RPL26: variants seen among roughly 807,000 people sequenced by gnomAD.
The protein encoded by RPL26 is ribosomal protein L26.
In RPL26, 1 loss-of-function variant was observed where a neutral mutation model predicts 16.2. The observed-to-expected ratio is 0.06, with a 90% CI of 0.02 to 0.29. The LOEUF is 0.29. Among genes scored for constraint, RPL26 ranks in the 10% least tolerant of loss-of-function variants. The probability of loss-of-function intolerance (pLI) is 1.00; values close to 1 mark genes in which losing one functional copy is unlikely to be tolerated. For synonymous variants in RPL26, 55 were observed against 62.4 expected, an observed-to-expected ratio of 0.88 and a Z score of 0.56; for missense variants, 102 against 184.3, an observed-to-expected ratio of 0.55 and a Z score of 2.58.
rs571589668 is a variant in RPL26, at chr17:8,379,349, C to CA, written c.309+446dup. The CA allele has an allele frequency of 5.1e-4, 85 of 166,288 alleles. 1 individual carries two copies. In the East Asian group the frequency reaches 0.012, roughly 24 times the overall value. 10.3% of individuals were successfully genotyped at this position (166,288 alleles called of 1,614,324 possible). On this transcript the variant is annotated intron_variant, in intron 3 of 3. Transcript: ENST00000648839. ...CAGCACTTTAGGAGGCTGAGGCAGGCAAATCACCTGAGGTCAGGAGTTCAA... is the reference window on the plus strand; with the variant it reads ...CAGCACTTTAGGAGGCTGAGGCAGGCAAAATCACCTGAGGTCAGGAGTTCAA...
chr17:8,382,384 A>G (rs761191559), intron 1 of RPL26, 69 bp from the exon 2 acceptor site: 35 of 1,137,282 alleles, frequency 3.1e-5, no homozygotes, highest in Non-Finnish European at 3.9e-5. Context: ...AATAACCGCA[A>G]TGATTTTATC....
chr17:8,380,814 C>T (rs1907375734), intron 2 of RPL26: 1 of 152,172 alleles, frequency 6.6e-6, no homozygotes, highest in Non-Finnish European at 1.5e-5. Flanking sequence ...TGGGCATAGA[C>T]CAAACTAACT....
At chr17:8,378,496 C>CA (rs961240726) in intron 3 of RPL26, among the ~76,000 whole-genome samples, 18 of 150,954 alleles carry the variant, frequency 1.2e-4, no homozygotes, top group Admixed American at 5.3e-4. Context: ...CTGTCCAAAA[C>CA]AAAAAAAACC....
chr17:8,382,275 G>C lies in RPL26; in HGVS notation c.36C>G (p.Ser12Arg), dbSNP rs774339132. Residue 12 changes from serine (S) to arginine (R), a missense_variant, in exon 2 of 4, where the codon AGC becomes AGG. By Grantham distance (110) the Ser-to-Arg change is moderately radical. Coordinates refer to ENST00000648839, the MANE Select transcript of RPL26 (RefSeq NM_000987.5). ...CATTGAAATGCCTTTTGCGATTCTT[G>C]CTTCGGTCGGAAGTCACAAAGGGAT... The part of the protein sequence containing the change: ...KFNPFVTSDR[S>R]KNRKRHFNAP... 2 of 1,613,670 alleles carry C rather than the reference G, an allele frequency of 1.2e-6. No individual in the cohort carries two copies. Among genetic ancestry groups the C allele is most frequent in the African/African-American group, 2.7e-5 (2 of 74,908 alleles).
intron 1 of RPL26, 145 bp from the exon 2 acceptor site, chr17:8,382,460 G>T (rs995492140): frequency 6.5e-6 from 4 of 619,948 alleles, no homozygotes; most frequent in Non-Finnish European, 5.6e-6. Context: ...TGTTTGATCG[G>T]AAGGGCCTAT....
At chr17:8,377,807 G>T (rs1907217951) in intron 3 of RPL26, 115 bp from the exon 4 acceptor site, 1 of 901,242 alleles carries the variant, frequency 1.1e-6, no homozygotes, top group African/African-American at 1.7e-5. Context: ...TGCCTAATAA[G>T]AAAAGATTTT....
intron 2 of RPL26, chr17:8,380,439 T>C (rs553395790): frequency 6.5e-6 from 1 of 153,812 alleles, no homozygotes; most frequent in African/African-American, 2.4e-5. Flanking sequence ...TTTCATCTTT[T>C]TGAAATAGGC....
chr17:8,382,676 C>G (rs933711419), intron 1 of RPL26: 1 of 290,478 alleles, frequency 3.4e-6, no homozygotes, highest in African/African-American at 2.2e-5. Context: ...ATTCTCTTAA[C>G]TATAACCTCA....
intron 2 of RPL26, chr17:8,381,676 C>A: frequency 5.5e-6 from 1 of 181,104 alleles, no homozygotes; most frequent in South Asian, 9.9e-5. Context: ...GCCTGTAATC[C>A]CAGCACTTTG....
intron 1 of RPL26, chr17:8,382,850 T>C: frequency 2.5e-6 from 1 of 392,526 alleles, no homozygotes; most frequent in Non-Finnish European, 4.5e-6. Context: ...GGAAATTCCG[T>C]GAAGACTTTA....
chr17:8,379,848 T>C lies in RPL26; in HGVS notation c.257A>G (p.Gln86Arg). The change falls in exon 3 of 4, where the codon CAG becomes CGG. Residue 86 changes from glutamine (Q) to arginine (R), a missense_variant. Transcript: ENST00000648839. The part of the protein sequence containing the change: ...KKYVIYIERV[Q>R]REKANGTTVH... ...AGTTGTGCCATTAGCCTTTTCCCGC[T>C]GCACCCGTTCAATGTAGATAACATA... is the stretch of plus-strand genomic sequence containing the variant. 6.2e-7 allele frequency: 1 copy of C among 1,613,960 alleles called. No homozygotes were observed. Among genetic ancestry groups the C allele is most frequent in the Non-Finnish European group, 8.5e-7 (1 of 1,179,878 alleles).
chr17:8,382,381 G>A (rs1166693681), intron 1 of RPL26, 66 bp from the exon 2 acceptor site: 6 of 1,157,460 alleles, frequency 5.2e-6, no homozygotes, highest in Non-Finnish European at 7.6e-6. Context: ...ACAAATAACC[G>A]CAATGATTTT....
At chr17:8,377,863 GCTTA>G (rs1229850902) in intron 3 of RPL26, 171 bp from the exon 4 acceptor site, 1 of 535,460 alleles carries the variant, frequency 1.9e-6, no homozygotes, top group East Asian at 3.1e-5. Context: ...ATCAAACCTG[GCTTA>G]TTTACTAATT....
intron 1 of RPL26, 182 bp downstream of exon 1, chr17:8,382,975 C>T (rs1038156832): frequency 7.5e-6 from 3 of 398,470 alleles, no homozygotes; most frequent in Admixed American, 8.8e-5. Flanking sequence ...CCCGGTCCCT[C>T]CATCCATCTC....
At chr17:8,382,480 C>T (rs1235337900) in intron 1 of RPL26, 165 bp from the exon 2 acceptor site, 5 of 573,250 alleles carry the variant, frequency 8.7e-6, no homozygotes, top group Non-Finnish European at 1.5e-5. Context: ...TCAACCGAAG[C>T]TCGAAACTTT....
At chr17:8,383,009 G>A (rs1907499397) in intron 1 of RPL26, 148 bp downstream of exon 1, 1 of 398,566 alleles carries the variant, frequency 2.5e-6, no homozygotes. Flanking sequence ...CTTGATTTAA[G>A]AAAGCAACAG....
intron 3 of RPL26, chr17:8,379,438 G>A: frequency 3.1e-6 from 1 of 319,750 alleles, no homozygotes; most frequent in East Asian, 5.6e-5. Flanking sequence ...CGGGTGTAGT[G>A]GTGCACGCAT....
chr17:8,382,436 A>G, intron 1 of RPL26, 121 bp from the exon 2 acceptor site: 1 of 701,174 alleles, frequency 1.4e-6, no homozygotes, highest in Non-Finnish European at 2.3e-6. Context: ...ATGTTGTGCA[A>G]CTTCAACAAA....
chr17:8,379,556 A>G (rs1907317718), intron 3 of RPL26: 3 of 557,326 alleles, frequency 5.4e-6, no homozygotes, highest in African/African-American at 3.8e-5. Flanking sequence ...CCTGGGTGAA[A>G]GAGCAAGACT....
Sources: gnomAD v4.1 joint callset for allele counts (sites outside exome capture counted in the v4.1 genomes callset) on GRCh38, gnomAD v4.1.1 for gene constraint, MANE v1.5 for transcripts, NCBI Gene and HGNC (gene_info 2026-07-23, HGNC 2026-07-21) for gene names.